SNX4: variants seen among roughly 807,000 people sequenced by gnomAD.
SNX4 encodes sorting nexin-4.
A neutral mutation model predicts 70.8 loss-of-function variants in SNX4; 49 were observed. The ratio of observed to expected loss-of-function variants is 0.69; its 90% CI spans 0.55 to 0.88. The LOEUF (loss-of-function observed/expected upper bound fraction) is 0.88. SNX4 is among the 40% of genes least tolerant of loss of function. The pLI is 0.00. For missense variants in SNX4, 528 were observed against 544.8 expected (o/e 0.97, Z 0.31); for synonymous variants, 206 against 183.8 (o/e 1.12, Z -0.98).
chr3:125,458,840 A>G (rs1434602290), intron 10 of SNX4, among the ~76,000 whole-genome samples: 6 of 100,166 alleles, frequency 6.0e-5, no homozygotes, highest in East Asian at 2.7e-4. Context: ...AAAAAAAAAA[A>G]AAAAAGAAAA....
chr3:125,463,649 T>C (rs1171429985), intron 9 of SNX4, among the ~76,000 whole-genome samples: 1 of 152,188 alleles, frequency 6.6e-6, no homozygotes, highest in Admixed American at 6.5e-5. Context: ...TTTTCTTTTT[T>C]CTCTCCTAGC....
intron 10 of SNX4, 97 bp downstream of exon 10, chr3:125,460,674 C>T (rs974219095): frequency 1.9e-6 from 1 of 520,454 alleles, no homozygotes; most frequent in Non-Finnish European, 3.5e-6. Flanking sequence ...GGAATGCATT[C>T]ATTTAAAAAA....
chr3:125,493,891 G>C (rs1934720726), intron 5 of SNX4, among the ~76,000 whole-genome samples: 1 of 150,528 alleles, frequency 6.6e-6, no homozygotes, highest in African/African-American at 2.4e-5. Context: ...CAAAAAATTA[G>C]TCAGGCATGG....
chr3:125,482,799 C>G (rs1278820488), intron 6 of SNX4, among the ~76,000 whole-genome samples: 1 of 152,000 alleles, frequency 6.6e-6, no homozygotes, highest in African/African-American at 2.4e-5. Flanking sequence ...AAATACTTAA[C>G]CACTCTTACT....
intron 1 of SNX4, among the ~76,000 whole-genome samples, chr3:125,505,850 A>G (rs1170573716): frequency 6.6e-6 from 1 of 152,166 alleles, no homozygotes; most frequent in Admixed American, 6.5e-5. Flanking sequence ...AGTCCTAACT[A>G]CTAAGGAGGC....
At chr3:125,501,308 A>G (rs1349311604) in intron 2 of SNX4, among the ~76,000 whole-genome samples, 2 of 104,114 alleles carry the variant, frequency 1.9e-5, no homozygotes, top group Non-Finnish European at 3.6e-5. Flanking sequence ...TTTGTAGTTT[A>G]AAAGACAACA....
rs531724451 is a variant in SNX4 at position 125,453,382 on chromosome 3, T to C, written c.1190+428A>G. On this transcript the variant is annotated intron_variant, in intron 12 of 13. Coordinates refer to ENST00000251775, the MANE Select transcript of SNX4 (RefSeq NM_003794.4). ...GGAGGGAAAGTACAAAGGGTAGAAA[T>C]CAGGAATAGTGCAGGAAAATAATAT... Among the ~76,000 whole-genome samples, 259 of 152,192 alleles carry C rather than the reference T, an allele frequency of 1.7e-3. 1 individual carries two copies. Among genetic ancestry groups the C allele is most frequent in the Non-Finnish European group, 2.6e-3 (176 of 68,004 alleles).
chr3:125,503,776 T>A (rs1412198466), intron 2 of SNX4, among the ~76,000 whole-genome samples: 6 of 152,178 alleles, frequency 3.9e-5, no homozygotes, highest in Admixed American at 3.9e-4. Context: ...ATTTGATACA[T>A]GTTATTTATT....
At chr3:125,470,927 A>G (rs772426165) in intron 8 of SNX4, among the ~76,000 whole-genome samples, 1 of 152,206 alleles carries the variant, frequency 6.6e-6, no homozygotes, top group Non-Finnish European at 1.5e-5. Flanking sequence ...CCAGAAACCT[A>G]ACATGGTTTA....
intron 12 of SNX4, among the ~76,000 whole-genome samples, chr3:125,453,485 CTTTCT>C (rs1487002685): frequency 6.8e-6 from 1 of 147,930 alleles, no homozygotes; most frequent in Non-Finnish European, 1.5e-5. Context: ...GATAATTCAA[CTTTCT>C]TTTATTTTTA....
intron 11 of SNX4, 152 bp from the exon 12 acceptor site, chr3:125,454,107 G>C: frequency 1.6e-6 from 1 of 643,558 alleles, no homozygotes. Context: ...AGTGAAATAA[G>C]ACAGATACAA....
intron 12 of SNX4, among the ~76,000 whole-genome samples, chr3:125,453,289 T>C (rs2107839857): frequency 6.6e-6 from 1 of 152,110 alleles, no homozygotes; most frequent in South Asian, 2.1e-4. Context: ...CGTGATAGCC[T>C]GAGAAGGCTT....
Position 125,480,252 on chromosome 3 carries a change from T to C in SNX4, c.721A>G (p.Arg241Gly). The C allele has an allele frequency of 6.4e-7, 1 of 1,557,720 alleles. No individual in the cohort carries two copies. The highest frequency in any genetic ancestry group is 1.4e-5 in the African/African-American group (1 of 73,424). Residue 241 changes from arginine to glycine, a missense_variant, in exon 7 of 14, where the codon AGA becomes GGA. Coordinates refer to ENST00000251775, the MANE Select transcript of SNX4 (RefSeq NM_003794.4). Reference sequence around the variant, plus strand: ...AGCTTTTGGGGACCACTTACAGCTCTGACTCGAAGAAGATGTGAGATGACA... The same window carrying C: ...AGCTTTTGGGGACCACTTACAGCTCCGACTCGAAGAAGATGTGAGATGACA... ...QSVISHLLRV[R>G]ARVADRLYGV...
At chr3:125,495,072 C>G (rs1214694995) in intron 5 of SNX4, among the ~76,000 whole-genome samples, 1 of 151,570 alleles carries the variant, frequency 6.6e-6, no homozygotes, top group Non-Finnish European at 1.5e-5. Flanking sequence ...ATTAATGGGT[C>G]TGCTACAGGA....
intron 5 of SNX4, among the ~76,000 whole-genome samples, chr3:125,490,060 C>T (rs531366476): frequency 4.6e-5 from 7 of 151,922 alleles, no homozygotes; most frequent in African/African-American, 9.7e-5. Flanking sequence ...ACCTGGGAGG[C>T]GGAGGTTGCA....
At chr3:125,518,886 A>G in intron 1 of SNX4, among the ~76,000 whole-genome samples, 1 of 151,050 alleles carries the variant, frequency 6.6e-6, no homozygotes, top group Non-Finnish European at 1.5e-5. Context: ...GGTGGCGCCC[A>G]TCTGTAACCC....
At chr3:125,513,520 AT>A in intron 1 of SNX4, among the ~76,000 whole-genome samples, 1 of 152,198 alleles carries the variant, frequency 6.6e-6, no homozygotes, top group East Asian at 1.9e-4. Flanking sequence ...TTCCGCCATT[AT>A]TTTTAGATTT....
chr3:125,513,744 C>T (rs9823713), intron 1 of SNX4, among the ~76,000 whole-genome samples: 12,482 of 152,122 alleles, frequency 0.082, 556 homozygotes, highest in South Asian at 0.1. Context: ...AATCACTTCC[C>T]TTTGGGGCTC....
intron 1 of SNX4, among the ~76,000 whole-genome samples, chr3:125,507,690 T>G (rs1042515629): frequency 6.6e-6 from 1 of 152,194 alleles, no homozygotes; most frequent in African/African-American, 2.4e-5. Context: ...TCAGAAACTT[T>G]GGAGGCCAGA....
Sources: allele counts gnomAD v4.1 joint callset (sites outside exome capture counted in the v4.1 genomes callset), GRCh38; gene constraint gnomAD v4.1.1; transcripts MANE v1.5; gene names NCBI Gene and HGNC (gene_info 2026-07-23, HGNC 2026-07-21).